The following MAST4 variants were observed in gnomAD, a reference collection of about 807,000 sequenced individuals.
The protein encoded by MAST4 is microtubule associated serine/threonine kinase family member 4, also known as microtubule-associated serine/threonine-protein kinase 4.
A neutral mutation model predicts 162.7 loss-of-function variants in MAST4; 89 were observed. The ratio of observed to expected loss-of-function variants is 0.55; its 90% CI spans 0.46 to 0.65. MAST4 has a LOEUF of 0.65. Among genes scored for constraint, MAST4 ranks in the 30% least tolerant of loss-of-function variants. The pLI, the probability that MAST4 is intolerant of heterozygous loss-of-function variation, is 0.00. For synonymous variants in MAST4, 1,479 were observed against 1,361.1 expected, an observed-to-expected ratio of 1.09 and a Z score of -1.91; for missense variants, 3,153 against 3,374.0, an observed-to-expected ratio of 0.93 and a Z score of 1.62.
intron 1 of MAST4, among the ~76,000 whole-genome samples, chr5:66,655,337 C>G (rs1348911997): frequency 1.3e-5 from 2 of 152,086 alleles, no homozygotes; most frequent in African/African-American, 2.4e-5. Context: ...GTGATGTACC[C>G]AAGTTAATGT....
intron 4 of MAST4, among the ~76,000 whole-genome samples, chr5:66,975,317 A>G (rs565094105): frequency 3.0e-4 from 46 of 152,340 alleles, no homozygotes; most frequent in African/African-American, 1.1e-3. Context: ...CAGGAAGCAA[A>G]TGCAGTGGTA....
At chr5:66,671,192 C>G (rs1747590297) in intron 1 of MAST4, among the ~76,000 whole-genome samples, 1 of 152,128 alleles carries the variant, frequency 6.6e-6, no homozygotes, top group Non-Finnish European at 1.5e-5. Flanking sequence ...CTGATAGTAT[C>G]TTAACCAATA....
rs1023352203 is a variant in MAST4 at position 66,879,077 on chromosome 5, C to T, written c.643-20874C>T. On this transcript the variant is annotated intron_variant, in intron 3 of 28. Transcript: ENST00000403625. ...GGCAGATCACGAGGTCAGGAGATGG[C>T]GACCATCCTGGCCAACATGGTGAAA... Among the ~76,000 whole-genome samples the T allele has an allele frequency of 3.9e-5, 6 of 152,154 alleles. No homozygotes were observed. In the East Asian group the frequency reaches 7.7e-4, roughly 20 times the overall value.
At chr5:67,144,154 C>T (rs573450410) in intron 21 of MAST4, among the ~76,000 whole-genome samples, 65 of 152,246 alleles carry the variant, frequency 4.3e-4, no homozygotes, top group Non-Finnish European at 7.6e-4. Flanking sequence ...GCTCTTATAA[C>T]GGAATATGTA....
At chr5:66,898,829 C>T (rs62372472) in intron 3 of MAST4, among the ~76,000 whole-genome samples, 4,040 of 152,276 alleles carry the variant, frequency 0.027, 71 homozygotes, top group Non-Finnish European at 0.044. Context: ...ACAGAGCTCT[C>T]CTCCCCTCTG....
chr5:67,040,284 T>C (rs1192272256), intron 4 of MAST4, among the ~76,000 whole-genome samples: 1 of 152,032 alleles, frequency 6.6e-6, no homozygotes, highest in Admixed American at 6.6e-5. Flanking sequence ...CAAAAAAAAA[T>C]CTGCTGCATG....
intron 4 of MAST4, among the ~76,000 whole-genome samples, chr5:66,915,878 C>G (rs922124689): frequency 6.6e-6 from 1 of 152,172 alleles, no homozygotes; most frequent in Non-Finnish European, 1.5e-5. Flanking sequence ...TTTTCTTCTC[C>G]TACCATTATG....
rs1043628429 is a variant in MAST4 at position 66,685,171 on chromosome 5, G to A, written c.364-74538G>A. 6.6e-5 allele frequency among the ~76,000 whole-genome samples: 10 copies of A among 152,234 alleles called. No individual in the cohort carries two copies. In the South Asian group the frequency reaches 1.2e-3, roughly 19 times the overall value. On this transcript the variant is annotated intron_variant, in intron 1 of 28. Transcript: ENST00000403625. ...CAACTACTTGGGGAGGCTGAGGTGG[G>A]AGGATTGCTTGAGACTGGGAGGCAG...
At chr5:66,665,159 T>A (rs956408029) in intron 1 of MAST4, among the ~76,000 whole-genome samples, 8 of 152,224 alleles carry the variant, frequency 5.3e-5, no homozygotes, top group African/African-American at 1.9e-4. Context: ...TTTCGAAGAG[T>A]TTTGTTTAAA....
intron 1 of MAST4, among the ~76,000 whole-genome samples, chr5:66,700,669 A>C (rs563110531): frequency 6.6e-6 from 1 of 151,946 alleles, no homozygotes; most frequent in African/African-American, 2.4e-5. Flanking sequence ...GGGCAACAAC[A>C]GAGTGAGACT....
rs114801154 is a variant in MAST4, at chr5:66,870,748, G to A, written c.643-29203G>A. ...CCCACCTTCTCCCTTCCCACCTCTC[G>A]TTCACTCCCCATCTTCCATTCACTG... is the stretch of plus-strand genomic sequence containing the variant. On this transcript the variant is annotated intron_variant, in intron 3 of 28. Coordinates refer to ENST00000403625, the MANE Select transcript of MAST4 (RefSeq NM_001164664.2). The A allele has an allele frequency of 7.9e-4, 371 of 470,534 alleles. 3 individuals are homozygous for A. The highest frequency in any genetic ancestry group is 4.5e-3 in the Middle Eastern group (14 of 3,082). 29.1% of individuals were successfully genotyped at this position (470,534 alleles called of 1,614,324 possible). A position where few individuals can be genotyped will look rare whatever the true frequency, so the allele number is the denominator to read the frequency against.
intron 14 of MAST4, among the ~76,000 whole-genome samples, chr5:67,128,772 T>C (rs1448897904): frequency 1.3e-5 from 2 of 152,172 alleles, no homozygotes; most frequent in Non-Finnish European, 2.9e-5. Flanking sequence ...AAGTAACTAG[T>C]GGAAAATCCA....
chr5:66,797,078 C>A (rs1755686401), intron 3 of MAST4, among the ~76,000 whole-genome samples: 1 of 152,150 alleles, frequency 6.6e-6, no homozygotes, highest in African/African-American at 2.4e-5. Context: ...TGGAAATGCC[C>A]ACTGGTGTGG....
intron 4 of MAST4, among the ~76,000 whole-genome samples, chr5:67,025,199 A>G (rs1263812066): frequency 6.6e-6 from 1 of 152,166 alleles, no homozygotes; most frequent in East Asian, 1.9e-4. Flanking sequence ...ACCAATTATA[A>G]TGAAAGAGTC....
intron 1 of MAST4, among the ~76,000 whole-genome samples, chr5:66,757,902 G>T (rs1311457166): frequency 6.6e-6 from 1 of 152,150 alleles, no homozygotes. Flanking sequence ...TTAATGATCT[G>T]ACTCTAGATG....
rs56269713 is a variant in MAST4 at position 67,131,901 on chromosome 5, G to A, written c.2043G>A (p.Leu681=). 2.3e-3 allele frequency: 3,697 copies of A among 1,613,164 alleles called. 85 individuals carry two copies. The African/African-American group carries it at 0.044, about 19-fold the overall frequency. Residue 681 remains leucine, a synonymous_variant, in exon 16 of 29, where the codon TTG becomes TTA. Coordinates refer to ENST00000403625, the MANE Select transcript of MAST4 (RefSeq NM_001164664.2). ...ACTTTGCTGAGACGGTCTTGGCCTT[G>A]GAATATTTACATAATTATGGAATTG... ...RMYFAETVLA[L]EYLHNYGIVH...
At chr5:67,127,742 A>G (rs1768436499) in intron 14 of MAST4, among the ~76,000 whole-genome samples, 1 of 152,198 alleles carries the variant, frequency 6.6e-6, no homozygotes, top group Admixed American at 6.5e-5. Context: ...TCTTGATAGT[A>G]TCTCATCAGT....
intron 4 of MAST4, among the ~76,000 whole-genome samples, chr5:66,969,388 T>C (rs1374421408): frequency 6.6e-6 from 1 of 152,228 alleles, no homozygotes; most frequent in Non-Finnish European, 1.5e-5. Flanking sequence ...GTTAAACTTC[T>C]TGAACGCTCA....
At chr5:66,987,271 G>A (rs1749620255) in intron 4 of MAST4, among the ~76,000 whole-genome samples, 1 of 152,154 alleles carries the variant, frequency 6.6e-6, no homozygotes, top group Non-Finnish European at 1.5e-5. Context: ...CACTTTTACA[G>A]TTGATTTGGT....
Sources: allele counts gnomAD v4.1 joint callset (sites outside exome capture counted in the v4.1 genomes callset), GRCh38; gene constraint gnomAD v4.1.1; transcripts MANE v1.5; gene names NCBI Gene and HGNC (gene_info 2026-07-23, HGNC 2026-07-21).